Variants in FIG4 observed in about 807,000 individuals in gnomAD.
FIG4 encodes the protein polyphosphoinositide phosphatase.
A neutral mutation model predicts 118.6 loss-of-function variants in FIG4; 112 were observed. The observed-to-expected ratio is 0.94, with a 90% confidence interval of 0.81 to 1.11. The LOEUF (loss-of-function observed/expected upper bound fraction) is 1.11, where lower values mean the gene tolerates loss of function less well. Among genes scored for constraint, FIG4 ranks in the 50% least tolerant of loss-of-function variants. FIG4 has a pLI of 0.00. For synonymous variants in FIG4, 369 were observed against 381.2 expected (o/e 0.97, Z 0.37); for missense variants, 969 against 1,111.7 (o/e 0.87, Z 1.83).
In FIG4 at chr6:109,825,293, C is replaced by T. The variant is rs772899245; in HGVS notation, c.*28C>T. On this transcript the variant is annotated 3_prime_UTR_variant, in exon 23 of 23. Coordinates refer to ENST00000230124, the MANE Select transcript of FIG4 (RefSeq NM_014845.6). ...AGAGCGCAGGTCCACCTGGTGGACA[C>T]GTCTGATTAGCTTAGAACCTGTCTT... The T allele has an allele frequency of 7.5e-6, 12 of 1,600,178 alleles. No individual in the cohort carries two copies. Among genetic ancestry groups the T allele is most frequent in the Non-Finnish European group, 1.0e-5 (12 of 1,167,546 alleles).
chr6:109,692,673 T>C (rs1490131989), intron 1 of FIG4, among the ~76,000 whole-genome samples: 1 of 152,170 alleles, frequency 6.6e-6, no homozygotes, highest in African/African-American at 2.4e-5. Flanking sequence ...CTGCTAAATT[T>C]CCCTCATTAG....
chr6:109,780,139 A>G (rs1053771794), intron 16 of FIG4, among the ~76,000 whole-genome samples: 7 of 152,356 alleles, frequency 4.6e-5, no homozygotes, highest in African/African-American at 1.7e-4. Flanking sequence ...TACCTAACTT[A>G]CAGCTTTCTC....
At chr6:109,710,596 T>TTTG (rs1293303204) in intron 1 of FIG4, among the ~76,000 whole-genome samples, 5 of 152,056 alleles carry the variant, frequency 3.3e-5, no homozygotes, top group African/African-American at 4.8e-5. Context: ...GGATTTTTGT[T>TTTG]TTGTTGTTGT....
intron 10 of FIG4, among the ~76,000 whole-genome samples, chr6:109,748,703 G>A (rs1776584339): frequency 6.6e-6 from 1 of 152,120 alleles, no homozygotes; most frequent in Admixed American, 6.6e-5. Flanking sequence ...GTTCCACGTG[G>A]CTGGGGAAGC....
intron 1 of FIG4, among the ~76,000 whole-genome samples, chr6:109,694,651 ACCT>A (rs1476034204): frequency 1.3e-5 from 2 of 152,324 alleles, no homozygotes; most frequent in East Asian, 3.9e-4. Flanking sequence ...TGAAGAGGCA[ACCT>A]ATAGAATGGA....
chr6:109,756,626 T>C (rs1442774597), intron 10 of FIG4, among the ~76,000 whole-genome samples: 15 of 152,218 alleles, frequency 9.9e-5, no homozygotes, highest in Admixed American at 7.9e-4. Context: ...TTGGAGTCTT[T>C]GTTCGTTTCT....
intron 3 of FIG4, among the ~76,000 whole-genome samples, chr6:109,719,363 T>C (rs1238868991): frequency 6.6e-6 from 1 of 152,096 alleles, no homozygotes; most frequent in Non-Finnish European, 1.5e-5. Flanking sequence ...GGTTTTGTTT[T>C]GTGTGTTTGT....
At chr6:109,734,220 A>G (rs1172029235) in intron 5 of FIG4, among the ~76,000 whole-genome samples, 1 of 151,724 alleles carries the variant, frequency 6.6e-6, no homozygotes, top group East Asian at 1.9e-4. Context: ...AAATATGACT[A>G]AAATACTTTA....
chr6:109,701,398 T>C (rs968928332), intron 1 of FIG4, among the ~76,000 whole-genome samples: 10 of 152,166 alleles, frequency 6.6e-5, no homozygotes, highest in African/African-American at 2.4e-4. Flanking sequence ...CTGGGTGAAA[T>C]TGCAGTTTGC....
intron 15 of FIG4, among the ~76,000 whole-genome samples, chr6:109,773,365 C>T (rs555109414): frequency 6.6e-6 from 1 of 152,234 alleles, no homozygotes; most frequent in South Asian, 2.1e-4. Context: ...AAATTTCTTC[C>T]TACCACAGAA....
chr6:109,807,350 C>G (rs759659734), intron 22 of FIG4, among the ~76,000 whole-genome samples: 9 of 152,208 alleles, frequency 5.9e-5, no homozygotes, highest in Non-Finnish European at 1.3e-4. Context: ...TTGTATTTCT[C>G]TAATGACCAG....
In FIG4 at chr6:109,738,564, A is replaced by G. The variant is rs1268185873; in HGVS notation, c.775+111A>G. 3 of 1,033,118 alleles carry G rather than the reference A, an allele frequency of 2.9e-6. No homozygotes were observed. Among genetic ancestry groups the G allele is most frequent in the South Asian group, 2.6e-5 (2 of 77,326 alleles). The allele number at this position is 1,033,118 out of a possible 1,614,324, so 64.0% of individuals were successfully genotyped here. On this transcript the variant is annotated intron_variant, in intron 7 of 22. Coordinates refer to ENST00000230124, the MANE Select transcript of FIG4 (RefSeq NM_014845.6). ...TTATAATACCACTCTGTGCACCCCA[A>G]CAGGAAAACCTGCCCATGATACTAT...
chr6:109,739,450 G>A (rs780275575), intron 7 of FIG4, among the ~76,000 whole-genome samples: 47 of 152,032 alleles, frequency 3.1e-4, no homozygotes, highest in Admixed American at 6.6e-4. Flanking sequence ...AAAGAAAAAG[G>A]CGTTTGTACA....
intron 10 of FIG4, among the ~76,000 whole-genome samples, chr6:109,758,845 T>G (rs987648918): frequency 6.6e-6 from 1 of 152,002 alleles, no homozygotes; most frequent in Non-Finnish European, 1.5e-5. Context: ...AACAAACATA[T>G]GAAAAAAGGC....
At chr6:109,708,661 C>G (rs1040953374) in intron 1 of FIG4, among the ~76,000 whole-genome samples, 1 of 152,186 alleles carries the variant, frequency 6.6e-6, no homozygotes, top group African/African-American at 2.4e-5. Context: ...AATAGCCATT[C>G]TGACTGGTGT....
intron 22 of FIG4, among the ~76,000 whole-genome samples, chr6:109,818,445 C>T (rs935922219): frequency 1.1e-4 from 17 of 152,278 alleles, no homozygotes; most frequent in African/African-American, 3.4e-4. Context: ...GGTGATCTGC[C>T]TGCCTCGGTC....
At chr6:109,802,971 G>A (rs920096256) in intron 22 of FIG4, among the ~76,000 whole-genome samples, 27 of 152,134 alleles carry the variant, frequency 1.8e-4, no homozygotes, top group Non-Finnish European at 2.9e-4. Context: ...AGCATATCAC[G>A]AACGAGAGCT....
At chr6:109,715,366 G>A (rs184511734) in intron 2 of FIG4, among the ~76,000 whole-genome samples, 190 bp downstream of exon 2, 81 of 152,218 alleles carry the variant, frequency 5.3e-4, no homozygotes, top group African/African-American at 1.8e-3. Flanking sequence ...CAAGAAGTAC[G>A]CCAGAATTAT....
intron 1 of FIG4, among the ~76,000 whole-genome samples, chr6:109,714,356 G>A (rs1454102805): frequency 3.3e-5 from 5 of 152,186 alleles, no homozygotes; most frequent in Admixed American, 2.0e-4. Flanking sequence ...TCCCTCTGAA[G>A]ATCTGTTAGG....
Sources: gnomAD v4.1 joint callset for allele counts (sites outside exome capture counted in the v4.1 genomes callset) on GRCh38, gnomAD v4.1.1 for gene constraint, MANE v1.5 for transcripts, NCBI Gene and HGNC (gene_info 2026-07-23, HGNC 2026-07-21) for gene names.